The following PHF3 variants were observed in gnomAD, a reference collection of about 807,000 sequenced individuals.
The protein encoded by PHF3 is PHD finger protein 3.
In PHF3, 41 loss-of-function variants were observed where a neutral mutation model predicts 178.4. That is an observed-to-expected ratio of 0.23 (90% confidence interval 0.18 to 0.30). The LOEUF (loss-of-function observed/expected upper bound fraction) is 0.30, where lower values mean the gene tolerates loss of function less well. PHF3 is among the 10% of genes least tolerant of loss of function. The pLI, the probability that PHF3 is intolerant of heterozygous loss-of-function variation, is 1.00. For synonymous variants in PHF3, 842 were observed against 800.5 expected (o/e 1.05, Z -0.88); for missense variants, 2,346 against 2,398.1 (o/e 0.98, Z 0.45).
At chr6:63,640,957 A>G (rs761628765) in intron 1 of PHF3, among the ~76,000 whole-genome samples, 2 of 152,174 alleles carry the variant, frequency 1.3e-5, no homozygotes, top group Admixed American at 6.5e-5. Flanking sequence ...AGACATGGCA[A>G]ATGTTCTCTG....
Position 63,680,061 on chromosome 6 carries a change from T to G in PHF3, c.306T>G (p.Ile102Met). 6.2e-7 allele frequency: 1 copy of G among 1,612,898 alleles called. No homozygotes were observed. Among genetic ancestry groups the G allele is most frequent in the African/African-American group, 1.3e-5 (1 of 74,970 alleles). ...TTAAAGAAAGTGGCAATGATACCAT[T>G]GATGAAGAAGAACTGATTTTACCTA... is the stretch of plus-strand genomic sequence containing the variant. ...GVVKESGNDT[I>M]DEEELILPNR... Residue 102 changes from isoleucine (I) to methionine (M), a missense_variant, in exon 3 of 16, where the codon ATT becomes ATG. Around this residue, in one of 8 missense-constraint regions of PHF3, gnomAD observed 843 missense variants for 795.2 expected, o/e 1.06. Coordinates refer to ENST00000262043, the MANE Select transcript of PHF3 (RefSeq NM_001370348.2).
intron 4 of PHF3, chr6:63,686,133 C>T (rs1476349051): frequency 4.0e-6 from 2 of 495,510 alleles, no homozygotes; most frequent in Non-Finnish European, 7.0e-6. Flanking sequence ...GTCTGGCCAA[C>T]AGCTGACATA....
Position 63,720,591 on chromosome 6 carries a change from T to C in PHF3, c.*6883T>C. The C allele has an allele frequency of 1.4e-6, 2 of 1,458,598 alleles. No homozygotes were observed. Among genetic ancestry groups the C allele is most frequent in the South Asian group, 1.5e-5 (1 of 68,396 alleles). 90.4% of individuals were successfully genotyped at this position (1,458,598 alleles called of 1,614,324 possible). A position where few individuals can be genotyped will look rare whatever the true frequency, so the allele number is the denominator to read the frequency against. On this transcript the variant is annotated 3_prime_UTR_variant, in exon 16 of 16. Coordinates refer to ENST00000262043, the MANE Select transcript of PHF3 (RefSeq NM_001370348.2). ...ATAGTGTGTACTAAAATCTCTAGTG[T>C]TAACTTATGTAACCTCATTTTGTTC... is the stretch of plus-strand genomic sequence containing the variant.
intron 14 of PHF3, among the ~76,000 whole-genome samples, chr6:63,709,493 A>G (rs1168944461): frequency 6.6e-6 from 1 of 151,852 alleles, no homozygotes; most frequent in Non-Finnish European, 1.5e-5. Flanking sequence ...AATGTTTTAG[A>G]GTAAGTATTG....
intron 1 of PHF3, among the ~76,000 whole-genome samples, chr6:63,642,479 A>G (rs992269510): frequency 1.3e-5 from 2 of 152,240 alleles, no homozygotes; most frequent in Non-Finnish European, 2.9e-5. Flanking sequence ...TAACACATGT[A>G]TGAGTAAATG....
chr6:63,721,722 A>G lies in PHF3; in HGVS notation c.*8014A>G, dbSNP rs1186771860. 4 of 1,551,212 alleles carry G rather than the reference A, an allele frequency of 2.6e-6. No homozygotes were observed. In the East Asian group the frequency reaches 9.8e-5, roughly 38 times the overall value. On this transcript the variant is annotated 3_prime_UTR_variant, in exon 16 of 16. Coordinates refer to ENST00000262043, the MANE Select transcript of PHF3 (RefSeq NM_001370348.2). Reference sequence around the variant, plus strand: ...TATAGTTACTTTTTGGAGAGTTTCTAGAATGATAGTTCTGTCGCCAAGGTT... The same window carrying G: ...TATAGTTACTTTTTGGAGAGTTTCTGGAATGATAGTTCTGTCGCCAAGGTT...
intron 2 of PHF3, among the ~76,000 whole-genome samples, chr6:63,676,465 T>C (rs1468138427): frequency 1.3e-5 from 2 of 152,110 alleles, no homozygotes; most frequent in Non-Finnish European, 1.5e-5. Flanking sequence ...AAGTAAAACC[T>C]GAAGGAAGGG....
In PHF3 at chr6:63,702,488, A is replaced by T. The variant is rs762056747; in HGVS notation, c.3100-20A>T. The T allele has an allele frequency of 2.2e-5, 34 of 1,514,360 alleles. No individual in the cohort carries two copies. Among genetic ancestry groups the T allele is most frequent in the Middle Eastern group, 1.8e-4 (1 of 5,674 alleles). 93.8% of individuals were successfully genotyped at this position (1,514,360 alleles called of 1,614,324 possible). ...TACATATTTTAAATTTAATATTTTT[A>T]AAAAAGTATTTTCTGTTAGACCATA... is the stretch of plus-strand genomic sequence containing the variant. On this transcript the variant is annotated intron_variant, in intron 9 of 15. Transcript: ENST00000262043.
At chr6:63,708,327 G>A (rs1448777786) in intron 13 of PHF3, among the ~76,000 whole-genome samples, 1 of 152,084 alleles carries the variant, frequency 6.6e-6, no homozygotes, top group African/African-American at 2.4e-5. Context: ...AGTCCATGGT[G>A]AAGATAATTC....
chr6:63,652,855 A>G (rs773169529), intron 2 of PHF3, among the ~76,000 whole-genome samples: 6 of 151,704 alleles, frequency 4.0e-5, no homozygotes, highest in Non-Finnish European at 8.8e-5. Flanking sequence ...ATGTGGATTC[A>G]TTTCTGGGTT....
Position 63,635,816 on chromosome 6 carries a change from A to C in PHF3, c.-360A>C. ...GAACGGTAAACAGTGGGGTCACGTG[A>C]CACGGCCCCTCTCCAGCTCCCGCGC... On this transcript the variant is annotated 5_prime_UTR_variant, in exon 1 of 16. Transcript: ENST00000262043. 1 of 394,610 alleles carries C rather than the reference A, an allele frequency of 2.5e-6. No homozygotes were observed. Among genetic ancestry groups the C allele is most frequent in the East Asian group, 3.6e-5 (1 of 27,854 alleles). 24.4% of individuals were successfully genotyped at this position (394,610 alleles called of 1,614,324 possible). A position where few individuals can be genotyped will look rare whatever the true frequency, so the allele number is the denominator to read the frequency against.
At position 63,713,457 on chromosome 6, in the gene PHF3, A is replaced by C; in HGVS notation, c.5869A>C (p.Arg1957=). 6.2e-7 allele frequency: 1 copy of C among 1,613,932 alleles called. No individual in the cohort carries two copies. The highest frequency in any genetic ancestry group is 1.7e-5 in the Admixed American group (1 of 59,954). The change falls in exon 16 of 16, where the codon AGA becomes CGA. Residue 1957 remains arginine (R), a synonymous_variant. Transcript: ENST00000262043. ...CAGAGACAGAAGCCAAGACAAGGAC[A>C]GAGACAGAAAAAGCAGGGAGGAAGG... The part of the protein sequence containing the change: ...RRRDRSQDKD[R]DRKSREEGHK...
intron 2 of PHF3, among the ~76,000 whole-genome samples, chr6:63,675,977 T>G (rs146020603): frequency 8.0e-4 from 122 of 152,344 alleles, no homozygotes; most frequent in African/African-American, 2.7e-3. Context: ...CAGTTAACCT[T>G]CCTGATTCCC....
chr6:63,673,182 A>G (rs1765995741), intron 2 of PHF3, among the ~76,000 whole-genome samples: 3 of 152,168 alleles, frequency 2.0e-5, no homozygotes, highest in Non-Finnish European at 2.9e-5. Flanking sequence ...TAACATGGCT[A>G]ACAGCAGAAA....
chr6:63,693,701 T>A (rs1054378500), intron 5 of PHF3, among the ~76,000 whole-genome samples: 2 of 152,206 alleles, frequency 1.3e-5, no homozygotes, highest in African/African-American at 2.4e-5. Context: ...GAATCTGAGG[T>A]GAGTCTGATT....
At position 63,721,624 on chromosome 6, in the gene PHF3, T is replaced by A; in HGVS notation, c.*7916T>A. On this transcript the variant is annotated 3_prime_UTR_variant, in exon 16 of 16. Transcript: ENST00000262043. Reference sequence around the variant, plus strand: ...TTAGTGGAGGCCTTTTCTGTTACATTTATCCCATCTAGATCCAGGTAGCCT... The same window carrying A: ...TTAGTGGAGGCCTTTTCTGTTACATATATCCCATCTAGATCCAGGTAGCCT... 1 of 1,551,330 alleles carries A rather than the reference T, an allele frequency of 6.4e-7. No individual in the cohort carries two copies. The highest frequency in any genetic ancestry group is 8.7e-7 in the Non-Finnish European group (1 of 1,146,604).
Position 63,713,630 on chromosome 6 carries a change from A to C in PHF3, c.6042A>C (p.Lys2014Asn). Residue 2014 changes from lysine to asparagine, a missense_variant, in exon 16 of 16, where the codon AAA becomes AAC. This residue lies in a region of PHF3 where 839 missense variants were observed against 806.9 expected (regional missense o/e 1.04). Coordinates refer to ENST00000262043, the MANE Select transcript of PHF3 (RefSeq NM_001370348.2). The part of the protein sequence containing the change: ...YEKDKEREKS[K>N]HREGEKDRDR... ...AGGACAAAGAACGAGAGAAAAGTAA[A>C]CACAGAGAAGGAGAAAAGGACAGGG... 6.2e-7 allele frequency: 1 copy of C among 1,612,848 alleles called. No individual in the cohort carries two copies. The highest frequency in any genetic ancestry group is 1.1e-5 in the South Asian group (1 of 90,934).
At chr6:63,679,935 C>T (rs1232963817) in intron 2 of PHF3, 65 bp from the exon 3 acceptor site, 4 of 1,282,620 alleles carry the variant, frequency 3.1e-6, no homozygotes, top group African/African-American at 1.5e-5. Flanking sequence ...ATTTTCTGTA[C>T]TGCCTTTAAT....
chr6:63,678,923 A>G, intron 2 of PHF3: 1 of 408,942 alleles, frequency 2.4e-6, no homozygotes, highest in Non-Finnish European at 4.7e-6. Flanking sequence ...TCTAACCCCT[A>G]GGATGAAGAT....
Sources: allele counts gnomAD v4.1 joint callset (sites outside exome capture counted in the v4.1 genomes callset), GRCh38; gene constraint gnomAD v4.1.1; regional missense constraint gnomAD v4.1.1; transcripts MANE v1.5; gene names NCBI Gene and HGNC (gene_info 2026-07-23, HGNC 2026-07-21).